DMPK: variants seen among roughly 807,000 people sequenced by gnomAD.
DMPK encodes the protein DM1 protein kinase, also known as myotonin-protein kinase.
In DMPK, 32 loss-of-function variants were observed where a neutral mutation model predicts 70.3. That is an observed-to-expected ratio of 0.46 (90% CI 0.34 to 0.61). The LOEUF (loss-of-function observed/expected upper bound fraction) is 0.61. DMPK is among the 20% of genes least tolerant of loss of function. The probability of loss-of-function intolerance (pLI) is 0.01; values close to 1 mark genes in which losing one functional copy is unlikely to be tolerated. For synonymous variants in DMPK, 469 were observed against 390.9 expected, an observed-to-expected ratio of 1.20 and a Z score of -2.36; for missense variants, 899 against 886.0, an observed-to-expected ratio of 1.01 and a Z score of -0.19.
rs771057092 is a variant in DMPK at position 45,779,787 on chromosome 19, C to CTTCA, written c.242_243insTGAA (p.Phe82GlufsTer38). 5.2e-6 allele frequency: 8 copies of CTTCA among 1,538,442 alleles called. No homozygotes were observed. Among genetic ancestry groups the CTTCA allele is most frequent in the Non-Finnish European group, 6.1e-6 (7 of 1,139,082 alleles). On this transcript the variant is annotated frameshift_variant, in exon 2 of 15. Transcript: ENST00000291270. LOFTEE classifies it high-confidence loss of function. ...GCCCGGTTCGGCTTACCTCGCTGAACGCCCCGCGTCCGATCACCTTCAGAA... is the reference window on the plus strand; with the variant it reads ...GCCCGGTTCGGCTTACCTCGCTGAACTTCAGCCCCGCGTCCGATCACCTTCAGAA...
rs1370002144 is a variant in DMPK at position 45,770,768 on chromosome 19, G to A, written c.1738-128C>T. 5.2e-6 allele frequency: 6 copies of A among 1,163,448 alleles called. No homozygotes were observed. In the African/African-American group the frequency reaches 9.3e-5, roughly 18 times the overall value. The allele number at this position is 1,163,448 out of a possible 1,614,324, so 72.1% of individuals were successfully genotyped here. A position where few individuals can be genotyped will look rare whatever the true frequency, so the allele number is the denominator to read the frequency against. ...CCCGCCCCCGCCCCAACAGCCTACAGCTGTTGTTAGTCCACTCGCACGCCT... is the reference window on the plus strand; with the variant it reads ...CCCGCCCCCGCCCCAACAGCCTACAACTGTTGTTAGTCCACTCGCACGCCT... On this transcript the variant is annotated intron_variant, in intron 14 of 14. Coordinates refer to ENST00000291270, the MANE Select transcript of DMPK (RefSeq NM_004409.5).
At chr19:45,779,557 C>A in intron 2 of DMPK, 35 bp from the exon 3 acceptor site, 3 of 1,612,250 alleles carry the variant, frequency 1.9e-6, no homozygotes, top group Non-Finnish European at 2.5e-6. Flanking sequence ...GTGGAGACGG[C>A]GGGAAAACAA....
Position 45,771,910 on chromosome 19 carries a change from C to T in DMPK, c.1363G>A (p.Ala455Thr), listed in dbSNP as rs778777182. ...TCAGCCTCTGCCGCAGGGACAGCCG[C>T]TGGAACTGCCACTTCAGCCTGTGTA... is the stretch of plus-strand genomic sequence containing the variant. ...QDETAEVAVP[A>T]AVPAAEAEAE... The change falls in exon 11 of 15, where the codon GCG becomes ACG. Residue 455 changes from alanine (A) to threonine (T), a missense_variant. By Grantham distance (58) the Ala-to-Thr change is moderately conservative (BLOSUM62 0). Transcript: ENST00000291270. 5.6e-6 allele frequency: 9 copies of T among 1,595,888 alleles called. No homozygotes were observed. The highest frequency in any genetic ancestry group is 7.7e-6 in the Non-Finnish European group (9 of 1,171,192).
In DMPK at chr19:45,777,924, C is replaced by T. The variant is rs747295381; in HGVS notation, c.676-51G>A. 9 of 1,507,620 alleles carry T rather than the reference C, an allele frequency of 6.0e-6. No individual in the cohort carries two copies. In the South Asian group the frequency reaches 9.6e-5, roughly 16 times the overall value. The allele number at this position is 1,507,620 out of a possible 1,614,324, so 93.4% of individuals were successfully genotyped here. On this transcript the variant is annotated intron_variant, in intron 6 of 14. Coordinates refer to ENST00000291270, the MANE Select transcript of DMPK (RefSeq NM_004409.5). This position sits in a 1 kb window ranked among gnomAD's most constrained non-coding sequence, Gnocchi z 6.7. Reference sequence around the variant, plus strand: ...CTTGGGCCCACCCCTCTGGGCCCACCAGCTCTGGGCCCTCCTTCCAACCAC... The same window carrying T: ...CTTGGGCCCACCCCTCTGGGCCCACTAGCTCTGGGCCCTCCTTCCAACCAC...
In DMPK at chr19:45,770,467, A is replaced by T. The variant is rs1230650658; in HGVS notation, c.*21T>A. The T allele has an allele frequency of 6.5e-7, 1 of 1,549,434 alleles. No individual in the cohort carries two copies. The highest frequency in any genetic ancestry group is 2.4e-5 in the East Asian group (1 of 40,930). ...ACTCAGTCTTCCAACGGGGCCCCGG[A>T]GTCGAAGACAGTTCTAGGGTTCAGG... On this transcript the variant is annotated 3_prime_UTR_variant, in exon 15 of 15. Transcript: ENST00000291270.
At chr19:45,780,652 G>T (rs1970062212) in intron 1 of DMPK, 1 of 1,000,946 alleles carries the variant, frequency 1.0e-6, no homozygotes, top group Non-Finnish European at 1.2e-6. Context: ...GGTGGAAGAA[G>T]TGGAGGCAGG....
chr19:45,778,229 AG>A lies in DMPK; in HGVS notation c.582-10del. ...TGTCGGGTTTGATGTCCCTGCACGG[AG>A]GAAAAGAGAAGGGTGGGATAAATGA... is the stretch of plus-strand genomic sequence containing the variant. On this transcript the variant is annotated splice_polypyrimidine_tract_variant and intron_variant, in intron 5 of 14. Coordinates refer to ENST00000291270, the MANE Select transcript of DMPK (RefSeq NM_004409.5). 1 of 1,610,582 alleles carries A rather than the reference AG, an allele frequency of 6.2e-7. No individual in the cohort carries two copies. Among genetic ancestry groups the A allele is most frequent in the African/African-American group, 1.3e-5 (1 of 74,954 alleles).
At position 45,775,054 on chromosome 19, in the gene DMPK, G is replaced by A. The variant is rs775505956; in HGVS notation, c.1147-20C>T. ...TGTCTCCTGCGCAAGACACACAGAT[G>A]TGAGCAGCAGTCGTCAGGGCGGGCC... On this transcript the variant is annotated intron_variant, in intron 8 of 14. Coordinates refer to ENST00000291270, the MANE Select transcript of DMPK (RefSeq NM_004409.5). 3 of 1,605,070 alleles carry A rather than the reference G, an allele frequency of 1.9e-6. No individual in the cohort carries two copies. The highest frequency in any genetic ancestry group is 2.6e-6 in the Non-Finnish European group (3 of 1,173,522).
chr19:45,777,953 C>A lies in DMPK; in HGVS notation c.676-80G>T. On this transcript the variant is annotated intron_variant, in intron 6 of 14. Coordinates refer to ENST00000291270, the MANE Select transcript of DMPK (RefSeq NM_004409.5). The surrounding 1 kb of genome is among the most constrained non-coding windows in gnomAD (Gnocchi z 6.7). Reference sequence around the variant, plus strand: ...TCTGGGCCCTCCTTCCAACCACTCCCCAAATGCTTAGCCCCTCCCTCTGCC... The same window carrying A: ...TCTGGGCCCTCCTTCCAACCACTCCACAAATGCTTAGCCCCTCCCTCTGCC... 2.1e-6 allele frequency: 3 copies of A among 1,404,438 alleles called. No individual in the cohort carries two copies. Among genetic ancestry groups the A allele is most frequent in the Non-Finnish European group, 2.9e-6 (3 of 1,022,992 alleles). The allele number at this position is 1,404,438 out of a possible 1,614,324, so 87.0% of individuals were successfully genotyped here. A position where few individuals can be genotyped will look rare whatever the true frequency, so the allele number is the denominator to read the frequency against.
chr19:45,779,157 G>A (rs1410635697), intron 4 of DMPK, 107 bp downstream of exon 4: 33 of 1,150,030 alleles, frequency 2.9e-5, no homozygotes, highest in African/African-American at 6.1e-5. Context: ...TCCCACAGAC[G>A]TTTCCGGGCA....
intron 4 of DMPK, 141 bp from the exon 5 acceptor site, chr19:45,778,782 T>G: frequency 2.2e-6 from 2 of 899,008 alleles, no homozygotes; most frequent in Non-Finnish European, 3.3e-6. Flanking sequence ...CATAGAGATC[T>G]GCCGGGCCAA....
At chr19:45,778,710 C>T in intron 4 of DMPK, 69 bp from the exon 5 acceptor site, 1 of 1,510,606 alleles carries the variant, frequency 6.6e-7, no homozygotes, top group Non-Finnish European at 9.0e-7. Context: ...ATGGCTGGGA[C>T]AACCCCTCCC....
Position 45,770,654 on chromosome 19 carries a change from G to A in DMPK, c.1738-14C>T, listed in dbSNP as rs1443448980. The stretch of plus-strand genomic sequence containing the variant: ...AGGCCTAGGGACCTGCGGGGAGAGG[G>A]CGAGGTCAACACCCGGCATGGGCCT... On this transcript the variant is annotated splice_polypyrimidine_tract_variant and intron_variant, in intron 14 of 14. Transcript: ENST00000291270. 11 of 1,549,688 alleles carry A rather than the reference G, an allele frequency of 7.1e-6. No homozygotes were observed. Among genetic ancestry groups the A allele is most frequent in the Admixed American group, 3.9e-5 (2 of 50,928 alleles).
At chr19:45,771,713 G>A (rs376041280) in intron 11 of DMPK, 48 bp from the exon 12 acceptor site, 2 of 1,610,078 alleles carry the variant, frequency 1.2e-6, no homozygotes, top group East Asian at 2.2e-5. Context: ...GACGAGAGGG[G>A]ATGCCAAGGG....
Position 45,777,869 on chromosome 19 carries a change from C to T in DMPK, c.680G>A (p.Arg227Gln), listed in dbSNP as rs1329381964. The change falls in exon 7 of 15, where the codon CGG (arginine) becomes CAG (glutamine). Residue 227 changes from arginine to glutamine, a missense_variant. Around this residue, in one of 3 missense-constraint regions of DMPK, gnomAD observed 195 missense variants for 259.7 expected, o/e 0.75. Coordinates refer to ENST00000291270, the MANE Select transcript of DMPK (RefSeq NM_004409.5). This position sits in a 1 kb window ranked among gnomAD's most constrained non-coding sequence, Gnocchi z 6.7. Reference sequence around the variant, plus strand: ...TGGGGTGCCCACAGCCACCAGCGACCGCACCTGGACCAAAAGGAGCAGAGC... The same window carrying T: ...TGGGGTGCCCACAGCCACCAGCGACTGCACCTGGACCAAAAGGAGCAGAGC... ...CLKLRADGTV[R>Q]SLVAVGTPDY... 1.2e-5 allele frequency: 19 copies of T among 1,606,874 alleles called. No individual in the cohort carries two copies. The highest frequency in any genetic ancestry group is 2.2e-5 in the East Asian group (1 of 44,882).
intron 9 of DMPK, among the ~76,000 whole-genome samples, chr19:45,774,463 C>T (rs879740317): frequency 6.6e-6 from 1 of 151,806 alleles, no homozygotes; most frequent in African/African-American, 2.4e-5. Context: ...GGGGTTTCAC[C>T]GTGTTAGCCA....
rs145245565 is a variant in DMPK, at chr19:45,771,600, C to A, written c.1568G>T (p.Arg523Leu). 2 of 1,613,976 alleles carry A rather than the reference C, an allele frequency of 1.2e-6. No homozygotes were observed. Among genetic ancestry groups the A allele is most frequent in the African/African-American group, 1.3e-5 (1 of 74,926 alleles). ...LEAHVRQLQE[R>L]MELLQAEGAT... ...TCCCTCTGCCTGCAGCAACTCCATC[C>A]GCTCCTGCAACTGCCGGACGTGTGC... is the stretch of plus-strand genomic sequence containing the variant. Residue 523 changes from arginine to leucine, a missense_variant, in exon 12 of 15, where the codon CGG (arginine) becomes CTG (leucine). Coordinates refer to ENST00000291270, the MANE Select transcript of DMPK (RefSeq NM_004409.5).
intron 8 of DMPK, among the ~76,000 whole-genome samples, chr19:45,775,425 G>C (rs1369874196): frequency 2.2e-5 from 1 of 46,452 alleles, no homozygotes; most frequent in African/African-American, 6.0e-5. Context: ...TACCTCAGCT[G>C]TTGTAGTCCC....
rs766485074 is a variant in DMPK at position 45,777,573 on chromosome 19, C to G, written c.900G>C (p.Pro300=). 6.2e-7 allele frequency: 1 copy of G among 1,613,218 alleles called. No individual in the cohort carries two copies. Among genetic ancestry groups the G allele is most frequent in the Non-Finnish European group, 8.5e-7 (1 of 1,179,748 alleles). ...CCTCAGGGACCCCTTCGTCCACCAG[C>G]GGCAGAGAGAGGTGCTCCTGCTCAG... ...IVHYKEHLSL[P]LVDEGVPEEA... is the part of the protein sequence containing the mutation. The change falls in exon 8 of 15, where the codon CCG becomes CCC. Residue 300 remains proline (P), a synonymous_variant. Transcript: ENST00000291270. The surrounding 1 kb of genome is among the most constrained non-coding windows in gnomAD (Gnocchi z 6.7).
Sources: allele counts gnomAD v4.1 joint callset (sites outside exome capture counted in the v4.1 genomes callset), GRCh38; gene constraint gnomAD v4.1.1; regional missense constraint gnomAD v4.1.1; non-coding constraint Gnocchi (gnomAD v3.1); transcripts MANE v1.5; gene names NCBI Gene and HGNC (gene_info 2026-07-23, HGNC 2026-07-21).